The following ADCK1 variants were observed in gnomAD, a reference collection of about 807,000 sequenced individuals.
ADCK1 encodes the protein aarF domain-containing protein kinase 1.
A neutral mutation model predicts 52.3 loss-of-function variants in ADCK1; 41 were observed. The observed-to-expected ratio is 0.78, with a 90% confidence interval of 0.61 to 1.02. The LOEUF (loss-of-function observed/expected upper bound fraction) is 1.02. Among genes scored for constraint, ADCK1 ranks in the 50% least tolerant of loss-of-function variants. ADCK1 has a pLI of 0.00. For synonymous variants in ADCK1, 250 were observed against 274.6 expected (o/e 0.91, Z 0.89); for missense variants, 658 against 679.5 (o/e 0.97, Z 0.35).
In ADCK1 at chr14:77,835,015, C is replaced by T. The variant is rs17825905; in HGVS notation, c.219+12497C>T. Reference sequence around the variant, plus strand: ...AACCTCCAGCAGTTTTCTGACCCGCCCTGGACTGGGTGCTTCGGAGCTGTT... The same window carrying T: ...AACCTCCAGCAGTTTTCTGACCCGCTCTGGACTGGGTGCTTCGGAGCTGTT... On this transcript the variant is annotated intron_variant, in intron 3 of 10. Transcript: ENST00000238561. Among the ~76,000 whole-genome samples, 608 of 152,278 alleles carry T rather than the reference C, an allele frequency of 4.0e-3. 1 individual carries two copies. Among genetic ancestry groups the T allele is most frequent in the Middle Eastern group, 6.8e-3 (2 of 294 alleles).
intron 7 of ADCK1, among the ~76,000 whole-genome samples, chr14:77,915,327 TCC>T (rs558075619): frequency 1.7e-5 from 2 of 117,096 alleles, no homozygotes; most frequent in East Asian, 5.9e-4. Context: ...ATGCTATCCC[TCC>T]CCCCTCCCCC....
intron 3 of ADCK1, among the ~76,000 whole-genome samples, chr14:77,854,652 A>G (rs2082380749): frequency 6.7e-6 from 1 of 148,784 alleles, no homozygotes; most frequent in Non-Finnish European, 1.5e-5. Context: ...CGCCTCCTGG[A>G]TTCAAGTGAT....
At position 77,933,547 on chromosome 14, in the gene ADCK1, G is replaced by A. The variant is rs113578585; in HGVS notation, c.*156G>A. The A allele has an allele frequency of 0.02, 17,052 of 843,028 alleles. 241 individuals carry two copies. The highest frequency in any genetic ancestry group is 0.038 in the African/African-American group (2,277 of 59,264). The allele number at this position is 843,028 out of a possible 1,614,324, so 52.2% of individuals were successfully genotyped here. On this transcript the variant is annotated 3_prime_UTR_variant, in exon 11 of 11. Coordinates refer to ENST00000238561, the MANE Select transcript of ADCK1 (RefSeq NM_020421.4). ...CTTCTCCTCCTTTGGAATCCTCTCCGCACACTGTGGCCCTTGTCTCAGGGC... is the reference window on the plus strand; with the variant it reads ...CTTCTCCTCCTTTGGAATCCTCTCCACACACTGTGGCCCTTGTCTCAGGGC...
chr14:77,874,171 C>G (rs141443999), intron 4 of ADCK1, among the ~76,000 whole-genome samples: 4 of 152,340 alleles, frequency 2.6e-5, no homozygotes, highest in Non-Finnish European at 5.9e-5. Context: ...GAGGAAGGAA[C>G]TGCATGGGCT....
intron 5 of ADCK1, among the ~76,000 whole-genome samples, chr14:77,888,875 A>G (rs2083220319): frequency 6.6e-6 from 1 of 152,154 alleles, no homozygotes; most frequent in Admixed American, 6.5e-5. Flanking sequence ...TTCTTCTTAT[A>G]CACACTGATA....
At chr14:77,842,447 TTTTCCTTCCTTCC>T (rs1204272942) in intron 3 of ADCK1, among the ~76,000 whole-genome samples, 2 of 68,946 alleles carry the variant, frequency 2.9e-5, no homozygotes, top group Non-Finnish European at 6.4e-5. Context: ...GGGTATTTTT[TTTTCCTTCCTTCC>T]TTCCTTCCTT....
intron 4 of ADCK1, among the ~76,000 whole-genome samples, chr14:77,861,696 C>A (rs571455663): frequency 1.3e-5 from 2 of 152,298 alleles, no homozygotes; most frequent in South Asian, 4.1e-4. Context: ...AAAGCTCAGA[C>A]TGTAGAGAGC....
At chr14:77,849,491 G>C (rs2082239950) in intron 3 of ADCK1, among the ~76,000 whole-genome samples, 1 of 152,040 alleles carries the variant, frequency 6.6e-6, no homozygotes, top group South Asian at 2.1e-4. Flanking sequence ...GCTGAGGCTG[G>C]AGTGCAGTGA....
At position 77,914,652 on chromosome 14, in the gene ADCK1, G is replaced by C. The variant is rs563980947; in HGVS notation, c.858+6733G>C. On this transcript the variant is annotated intron_variant, in intron 7 of 10. Coordinates refer to ENST00000238561, the MANE Select transcript of ADCK1 (RefSeq NM_020421.4). Reference sequence around the variant, plus strand: ...AGATTGTGTATTGGCTGGTGCCCTTGGGTAAGCAACATCCTCTGAGTGTGA... The same window carrying C: ...AGATTGTGTATTGGCTGGTGCCCTTCGGTAAGCAACATCCTCTGAGTGTGA... 4 of 927,974 alleles carry C rather than the reference G, an allele frequency of 4.3e-6. No individual in the cohort carries two copies. The East Asian group carries it at 4.7e-4, about 109-fold the overall frequency. 57.5% of individuals were successfully genotyped at this position (927,974 alleles called of 1,614,324 possible). A position where few individuals can be genotyped will look rare whatever the true frequency, so the allele number is the denominator to read the frequency against.
rs2082496997 is a variant in ADCK1, at chr14:77,859,456, G to C, written c.423+177G>C. Among the ~76,000 whole-genome samples the C allele has an allele frequency of 2.0e-5, 3 of 152,222 alleles. No individual in the cohort carries two copies. In the South Asian group the frequency reaches 6.2e-4, roughly 32 times the overall value. ...TTAGAAGGAATCTCAGTGGCCCTCA[G>C]TGAAACATACCAGTTCAACCATATG... On this transcript the variant is annotated intron_variant, in intron 4 of 10. Coordinates refer to ENST00000238561, the MANE Select transcript of ADCK1 (RefSeq NM_020421.4).
chr14:77,842,441 A>ATTT (rs35911154), intron 3 of ADCK1, among the ~76,000 whole-genome samples: 6,060 of 77,738 alleles, frequency 0.078, 928 homozygotes, highest in African/African-American at 0.16. Context: ...CTTTCAGGGT[A>ATTT]TTTTTTTTTC....
Position 77,924,345 on chromosome 14 carries a change from A to G in ADCK1, c.859-112A>G, listed in dbSNP as rs375664839. On this transcript the variant is annotated intron_variant, in intron 7 of 10. Transcript: ENST00000238561. ...ACTCCCACCACAACCGCTCCGGCCC[A>G]CCGATTTTCTCTGGCCTCCCCTTAA... 3.5e-6 allele frequency: 5 copies of G among 1,410,964 alleles called. No homozygotes were observed. In the African/African-American group the frequency reaches 5.7e-5, roughly 16 times the overall value. 87.4% of individuals were successfully genotyped at this position (1,410,964 alleles called of 1,614,324 possible).
rs2081604227 is a variant in ADCK1, at chr14:77,822,476, T to C, written c.177T>C (p.Ser59=). The C allele has an allele frequency of 6.2e-7, 1 of 1,614,060 alleles. No homozygotes were observed. Among genetic ancestry groups the C allele is most frequent in the Non-Finnish European group, 8.5e-7 (1 of 1,180,008 alleles). ...ACGACTACCTCACTTCCCTGAAGAG[T>C]GTCCCTTATGGCTCAGAGGAGTACT... ...ISYDYLTSLK[S]VPYGSEEYLQ... The change falls in exon 3 of 11, where the codon AGT becomes AGC. Residue 59 remains serine (S), a synonymous_variant. Transcript: ENST00000238561.
chr14:77,876,996 C>G (rs1470834378), intron 4 of ADCK1, among the ~76,000 whole-genome samples: 1 of 152,124 alleles, frequency 6.6e-6, no homozygotes, highest in African/African-American at 2.4e-5. Context: ...GGGTGGATCA[C>G]CTGACTTCAG....
At chr14:77,851,977 C>T (rs974993607) in intron 3 of ADCK1, among the ~76,000 whole-genome samples, 1 of 151,466 alleles carries the variant, frequency 6.6e-6, no homozygotes, top group Non-Finnish European at 1.5e-5. Context: ...GATGAAGGCT[C>T]TTTATTATTT....
intron 5 of ADCK1, among the ~76,000 whole-genome samples, chr14:77,893,670 T>G (rs1023077842): frequency 2.6e-5 from 4 of 151,870 alleles, no homozygotes; most frequent in African/African-American, 7.2e-5. Context: ...GTCATGTTTT[T>G]GACCTTTTCT....
chr14:77,890,799 G>T (rs79898587), intron 5 of ADCK1, among the ~76,000 whole-genome samples: 2 of 152,116 alleles, frequency 1.3e-5, no homozygotes, highest in South Asian at 2.1e-4. Flanking sequence ...ACTGTTTTCA[G>T]ATATTTAGCT....
At chr14:77,805,347 C>T (rs1288151289) in intron 1 of ADCK1, among the ~76,000 whole-genome samples, 5 of 147,284 alleles carry the variant, frequency 3.4e-5, no homozygotes, top group East Asian at 2.0e-4. Flanking sequence ...CCGCAACCTC[C>T]GCCACCTGGG....
chr14:77,803,818 G>A (rs766759287), intron 1 of ADCK1, among the ~76,000 whole-genome samples: 1 of 152,204 alleles, frequency 6.6e-6, no homozygotes, highest in Non-Finnish European at 1.5e-5. Context: ...ACAGCAGTAA[G>A]GACTTTAGTG....
Sources: gnomAD v4.1 joint callset for allele counts (sites outside exome capture counted in the v4.1 genomes callset) on GRCh38, gnomAD v4.1.1 for gene constraint, MANE v1.5 for transcripts, NCBI Gene and HGNC (gene_info 2026-07-23, HGNC 2026-07-21) for gene names.